The following COP1 variants were observed in gnomAD, a reference collection of about 807,000 sequenced individuals.
COP1 encodes the protein E3 ubiquitin-protein ligase COP1.
Under a neutral mutation model 101.3 loss-of-function variants are expected in COP1, and 24 were observed. The ratio of observed to expected loss-of-function variants is 0.24; its 90% CI spans 0.17 to 0.33. The LOEUF (loss-of-function observed/expected upper bound fraction) is 0.33. Ranked by LOEUF, COP1 falls within the 10% of genes least tolerant of loss-of-function variation. The pLI is 1.00. For synonymous variants in COP1, 347 were observed against 341.9 expected (o/e 1.01, Z -0.17); for missense variants, 663 against 906.2 (o/e 0.73, Z 3.45).
intron 18 of COP1, among the ~76,000 whole-genome samples, chr1:175,951,437 A>AATGAATATATATATAT (rs1649882218): frequency 9.3e-6 from 1 of 108,016 alleles, no homozygotes; most frequent in African/African-American, 3.4e-5. Flanking sequence ...AAGATACGTG[A>AATGAATATATATATAT]ATATATATAT....
intron 11 of COP1, among the ~76,000 whole-genome samples, chr1:176,056,338 T>C (rs953061042): frequency 6.6e-6 from 1 of 152,240 alleles, no homozygotes; most frequent in Non-Finnish European, 1.5e-5. Context: ...TTAACATTTA[T>C]TTTTTGTGCA....
chr1:176,066,900 T>G (rs115282862), intron 11 of COP1, among the ~76,000 whole-genome samples: 6 of 152,288 alleles, frequency 3.9e-5, no homozygotes, highest in African/African-American at 1.4e-4. Flanking sequence ...GAACAGTTGG[T>G]TACCAGCTGT....
intron 1 of COP1, chr1:176,206,328 T>A: frequency 1.9e-6 from 1 of 524,006 alleles, no homozygotes; most frequent in Middle Eastern, 4.9e-4. Context: ...CTTCACTTCC[T>A]CCTCAGCAAC....
intron 18 of COP1, among the ~76,000 whole-genome samples, chr1:175,978,431 T>C (rs1655061395): frequency 6.6e-6 from 1 of 152,196 alleles, no homozygotes. Context: ...CACACAGTAG[T>C]GGACATTAAG....
chr1:176,004,890 T>C (rs1449777998), intron 15 of COP1, among the ~76,000 whole-genome samples: 1 of 151,766 alleles, frequency 6.6e-6, no homozygotes, highest in Non-Finnish European at 1.5e-5. Context: ...GAGGATTCCC[T>C]CTTTTTCTAT....
At chr1:176,171,653 C>T (rs1696082937) in intron 3 of COP1, among the ~76,000 whole-genome samples, 1 of 151,386 alleles carries the variant, frequency 6.6e-6, no homozygotes, top group Non-Finnish European at 1.5e-5. Context: ...CATCAAGAGA[C>T]TTAATGCAGG....
chr1:176,029,221 AAT>A (rs1232840312), intron 14 of COP1, among the ~76,000 whole-genome samples: 1 of 152,104 alleles, frequency 6.6e-6, no homozygotes, highest in Non-Finnish European at 1.5e-5. Context: ...ATACAACTTA[AAT>A]ATGTCTAAAG....
At chr1:176,046,937 CAA>C (rs892704242) in intron 11 of COP1, among the ~76,000 whole-genome samples, 25 of 151,990 alleles carry the variant, frequency 1.6e-4, no homozygotes, top group African/African-American at 5.1e-4. Context: ...CCTCATATCA[CAA>C]AAGAGGTTAA....
At chr1:176,119,938 T>G (rs1023891159) in intron 8 of COP1, among the ~76,000 whole-genome samples, 2 of 152,120 alleles carry the variant, frequency 1.3e-5, no homozygotes, top group Non-Finnish European at 2.9e-5. Context: ...CACTGGGAAA[T>G]AGCAGAGTTA....
intron 7 of COP1, among the ~76,000 whole-genome samples, chr1:176,136,122 C>T (rs1689745315): frequency 6.6e-6 from 1 of 151,822 alleles, no homozygotes; most frequent in Admixed American, 6.6e-5. Flanking sequence ...TTTTAATTAA[C>T]CTTAACTCCT....
At chr1:176,158,316 A>G (rs1404218110) in intron 5 of COP1, among the ~76,000 whole-genome samples, 1 of 152,156 alleles carries the variant, frequency 6.6e-6, no homozygotes, top group Non-Finnish European at 1.5e-5. Context: ...CAAACACAAA[A>G]GTAAAATAAA....
intron 15 of COP1, among the ~76,000 whole-genome samples, chr1:175,993,623 G>C (rs368655103): frequency 6.6e-6 from 1 of 152,176 alleles, no homozygotes; most frequent in Non-Finnish European, 1.5e-5. Context: ...CCGATGAGAT[G>C]AACTGGAAGA....
intron 18 of COP1, among the ~76,000 whole-genome samples, chr1:175,976,812 G>A (rs958341087): frequency 5.9e-5 from 9 of 152,126 alleles, no homozygotes; most frequent in East Asian, 1.9e-4. Context: ...TAGATAGCTC[G>A]TAATGAAATA....
At chr1:176,164,707 C>T (rs1694831110) in intron 3 of COP1, among the ~76,000 whole-genome samples, 2 of 152,210 alleles carry the variant, frequency 1.3e-5, no homozygotes, top group Admixed American at 1.3e-4. Context: ...GACAATACCA[C>T]TGAACCACTG....
At chr1:176,030,902 G>T (rs1204021711) in intron 14 of COP1, among the ~76,000 whole-genome samples, 1 of 152,110 alleles carries the variant, frequency 6.6e-6, no homozygotes, top group Non-Finnish European at 1.5e-5. Context: ...ATTAGGATGG[G>T]TCCTAAATCC....
intron 3 of COP1, 118 bp downstream of exon 3, chr1:176,175,792 G>T: frequency 3.7e-6 from 2 of 546,482 alleles, no homozygotes; most frequent in Non-Finnish European, 6.5e-6. Flanking sequence ...AAGCACTGTG[G>T]TATACAGTAG....
At chr1:175,979,763 AT>A (rs1378683052) in intron 18 of COP1, among the ~76,000 whole-genome samples, 5 of 152,040 alleles carry the variant, frequency 3.3e-5, no homozygotes, top group Non-Finnish European at 7.4e-5. Flanking sequence ...TTAAATGGTA[AT>A]TGATTATTAC....
chr1:176,095,709 G>A (rs961175841), intron 9 of COP1, among the ~76,000 whole-genome samples: 1 of 150,988 alleles, frequency 6.6e-6, no homozygotes, highest in African/African-American at 2.4e-5. Flanking sequence ...GATGTTCTTT[G>A]CAATTTTCCT....
intron 6 of COP1, among the ~76,000 whole-genome samples, chr1:176,139,279 CA>C (rs201417535): frequency 0.012 from 1,484 of 124,718 alleles, 23 homozygotes; most frequent in African/African-American, 0.047. Flanking sequence ...AAAACAAAAA[CA>C]AAAAAAACAA....
Sources: gnomAD v4.1 joint callset for allele counts (sites outside exome capture counted in the v4.1 genomes callset) on GRCh38, gnomAD v4.1.1 for gene constraint, MANE v1.5 for transcripts, NCBI Gene and HGNC (gene_info 2026-07-23, HGNC 2026-07-21) for gene names.